Variants in SH3RF1 observed in about 807,000 individuals in gnomAD.
The protein encoded by SH3RF1 is SH3 domain containing ring finger 1, also known as E3 ubiquitin-protein ligase SH3RF1.
SH3RF1 carries 32 observed loss-of-function variants against 74.0 expected under a neutral mutation model. The ratio of observed to expected loss-of-function variants is 0.43; its 90% confidence interval spans 0.33 to 0.58. The LOEUF (loss-of-function observed/expected upper bound fraction) is 0.58. Ranked by LOEUF, SH3RF1 falls within the 20% of genes least tolerant of loss-of-function variation. SH3RF1 has a pLI of 0.05. For missense variants in SH3RF1, 954 were observed against 1,130.9 expected, an observed-to-expected ratio of 0.84 and a Z score of 2.24; for synonymous variants, 396 against 439.6, an observed-to-expected ratio of 0.90 and a Z score of 1.24.
chr4:169,116,191 A>G (rs960231071), intron 10 of SH3RF1, 78 bp downstream of exon 10: 44 of 1,527,556 alleles, frequency 2.9e-5, no homozygotes, highest in Non-Finnish European at 3.8e-5. Context: ...CTCATTAGCT[A>G]AAAATGACAG....
chr4:169,162,019 A>C (rs964374750), intron 2 of SH3RF1, among the ~76,000 whole-genome samples: 1 of 152,170 alleles, frequency 6.6e-6, no homozygotes, highest in Non-Finnish European at 1.5e-5. Context: ...ATCTCTATAA[A>C]AAGTACAAAA....
chr4:169,140,082 G>GTTTTT (rs1733759819), intron 4 of SH3RF1, among the ~76,000 whole-genome samples: 1 of 152,180 alleles, frequency 6.6e-6, no homozygotes, highest in Non-Finnish European at 1.5e-5. Flanking sequence ...TTCTTCTGAA[G>GTTTTT]CAGCACATAT....
rs1329660056 is a variant in SH3RF1, at chr4:169,168,519, A to G, written c.394-11840T>C. Among the ~76,000 whole-genome samples the G allele has an allele frequency of 2.6e-5, 4 of 152,252 alleles. No individual in the cohort carries two copies. In the East Asian group the frequency reaches 7.7e-4, roughly 29 times the overall value. On this transcript the variant is annotated intron_variant, in intron 2 of 11. Coordinates refer to ENST00000284637, the MANE Select transcript of SH3RF1 (RefSeq NM_020870.4). ...ATTAGTACAGCAGTATTATTCTAGA[A>G]TAAGTCTTCAAATACCATGAAAAGG...
intron 10 of SH3RF1, among the ~76,000 whole-genome samples, chr4:169,109,497 G>A (rs764754086): frequency 4.6e-5 from 7 of 152,288 alleles, no homozygotes; most frequent in Middle Eastern, 6.8e-3. Flanking sequence ...ATCATGGCAG[G>A]GCACAAGGGG....
intron 1 of SH3RF1, among the ~76,000 whole-genome samples, chr4:169,270,414 T>G (rs979486081): frequency 1.5e-4 from 23 of 151,806 alleles, no homozygotes; most frequent in Admixed American, 1.4e-3. Flanking sequence ...CTCCCTCATC[T>G]CCGCCTCCCT....
chr4:169,176,611 G>A (rs1734425833), intron 2 of SH3RF1, among the ~76,000 whole-genome samples: 2 of 152,024 alleles, frequency 1.3e-5, no homozygotes, highest in South Asian at 4.1e-4. Flanking sequence ...CCTAATCTTG[G>A]CTCACTGCAA....
chr4:169,190,985 C>A (rs1267429580), intron 2 of SH3RF1, among the ~76,000 whole-genome samples: 1 of 152,120 alleles, frequency 6.6e-6, no homozygotes, highest in Non-Finnish European at 1.5e-5. Flanking sequence ...ATCATCATCT[C>A]AATAGATGCA....
At chr4:169,153,144 A>T (rs17051928) in intron 4 of SH3RF1, among the ~76,000 whole-genome samples, 1,703 of 152,148 alleles carry the variant, frequency 0.011, 38 homozygotes, top group African/African-American at 0.039. Flanking sequence ...CTCATTACAC[A>T]TGGTAGTTAG....
rs187167233 is a variant in SH3RF1, at chr4:169,138,394, T to C, written c.766-1774A>G. Reference sequence around the variant, plus strand: ...CTCCATCCCAAACACAACATCCTCATGAAATGAAGGGCCAGCACACCTGGC... The same window carrying C: ...CTCCATCCCAAACACAACATCCTCACGAAATGAAGGGCCAGCACACCTGGC... On this transcript the variant is annotated intron_variant, in intron 4 of 11. Coordinates refer to ENST00000284637, the MANE Select transcript of SH3RF1 (RefSeq NM_020870.4). 5.3e-5 allele frequency among the ~76,000 whole-genome samples: 8 copies of C among 152,182 alleles called. No homozygotes were observed. The East Asian group carries it at 1.5e-3, about 29-fold the overall frequency.
At chr4:169,251,181 G>A (rs1336289598) in intron 2 of SH3RF1, among the ~76,000 whole-genome samples, 1 of 152,212 alleles carries the variant, frequency 6.6e-6, no homozygotes, top group Admixed American at 6.5e-5. Context: ...GGTTAGTTAG[G>A]AGACTATGTC....
intron 2 of SH3RF1, among the ~76,000 whole-genome samples, chr4:169,167,286 T>C (rs1035286286): frequency 6.6e-6 from 1 of 152,182 alleles, no homozygotes; most frequent in Non-Finnish European, 1.5e-5. Flanking sequence ...ATGCGTTCAT[T>C]AGAATGATTA....
intron 2 of SH3RF1, among the ~76,000 whole-genome samples, chr4:169,250,529 A>G (rs1297709278): frequency 6.6e-6 from 1 of 152,236 alleles, no homozygotes; most frequent in Non-Finnish European, 1.5e-5. Flanking sequence ...TAACATCAAC[A>G]TACATCAAGT....
intron 2 of SH3RF1, among the ~76,000 whole-genome samples, chr4:169,160,110 T>C (rs938279775): frequency 1.3e-5 from 2 of 152,204 alleles, no homozygotes; most frequent in Admixed American, 1.3e-4. Flanking sequence ...TGGCCTGTTT[T>C]TTTCCCTACC....
intron 2 of SH3RF1, among the ~76,000 whole-genome samples, chr4:169,176,805 T>C (rs1366068998): frequency 3.9e-5 from 6 of 152,180 alleles, no homozygotes; most frequent in African/African-American, 9.7e-5. Flanking sequence ...CCTCCCAAAG[T>C]GCTGGGATAC....
At chr4:169,201,371 G>C (rs72987030) in intron 2 of SH3RF1, among the ~76,000 whole-genome samples, 2,550 of 152,308 alleles carry the variant, frequency 0.017, 72 homozygotes, top group African/African-American at 0.057. Context: ...AGCGGGGCTA[G>C]GGCAGGGAGG....
intron 2 of SH3RF1, among the ~76,000 whole-genome samples, chr4:169,218,355 A>G (rs1207026793): frequency 7.0e-6 from 1 of 142,038 alleles, no homozygotes; most frequent in East Asian, 2.0e-4. Flanking sequence ...ATATAAATAT[A>G]TATTATATAA....
At chr4:169,217,328 G>A (rs1033476319) in intron 2 of SH3RF1, 3 of 152,316 alleles carry the variant, frequency 2.0e-5, no homozygotes, top group Non-Finnish European at 2.9e-5. Context: ...ACGGACCTGG[G>A]AAGAAATCTA....
At chr4:169,260,751 G>A (rs1198126706) in intron 2 of SH3RF1, among the ~76,000 whole-genome samples, 1 of 152,172 alleles carries the variant, frequency 6.6e-6, no homozygotes, top group Non-Finnish European at 1.5e-5. Flanking sequence ...AGGAAACTGG[G>A]ACGGGTGGGG....
intron 2 of SH3RF1, among the ~76,000 whole-genome samples, chr4:169,161,890 A>G (rs2660431): frequency 0.95 from 145,275 of 152,286 alleles, 69,677 homozygotes; most frequent in East Asian, 1. Flanking sequence ...TTTTAAAAAT[A>G]TCTTTTGGGT....
Sources: gnomAD v4.1 joint callset for allele counts (sites outside exome capture counted in the v4.1 genomes callset) on GRCh38, gnomAD v4.1.1 for gene constraint, MANE v1.5 for transcripts, NCBI Gene and HGNC (gene_info 2026-07-23, HGNC 2026-07-21) for gene names.